The following SORCS1 variants were observed in gnomAD, a reference collection of about 807,000 sequenced individuals.
SORCS1 encodes sortilin related VPS10 domain containing receptor 1.
In SORCS1, 60 loss-of-function variants were observed where a neutral mutation model predicts 146.1. That is an observed-to-expected ratio of 0.41 (90% CI 0.33 to 0.51). The LOEUF (loss-of-function observed/expected upper bound fraction) is 0.51. SORCS1 is among the 20% of genes least tolerant of loss of function. The probability of loss-of-function intolerance (pLI) is 0.21; values close to 1 mark genes in which losing one functional copy is unlikely to be tolerated. For synonymous variants in SORCS1, 637 were observed against 584.0 expected, an observed-to-expected ratio of 1.09 and a Z score of -1.31; for missense variants, 1,352 against 1,487.6, an observed-to-expected ratio of 0.91 and a Z score of 1.50.
intron 1 of SORCS1, among the ~76,000 whole-genome samples, chr10:107,007,030 T>C (rs930983975): frequency 9.9e-5 from 15 of 152,280 alleles, no homozygotes; most frequent in African/African-American, 2.7e-4. Context: ...ATGTCCCGAC[T>C]AGACCTACGC....
At chr10:107,149,694 C>A (rs1968614409) in intron 1 of SORCS1, among the ~76,000 whole-genome samples, 1 of 152,146 alleles carries the variant, frequency 6.6e-6, no homozygotes, top group South Asian at 2.1e-4. Context: ...AAATCAGATT[C>A]CTTTGTCCAG....
At chr10:106,867,738 C>T (rs1258131136) in intron 2 of SORCS1, among the ~76,000 whole-genome samples, 1 of 152,178 alleles carries the variant, frequency 6.6e-6, no homozygotes, top group African/African-American at 2.4e-5. Context: ...ATACCACTAC[C>T]AGCTAATAGA....
intron 2 of SORCS1, among the ~76,000 whole-genome samples, chr10:106,924,425 A>G (rs532934463): frequency 6.6e-6 from 1 of 152,234 alleles, no homozygotes; most frequent in African/African-American, 2.4e-5. Flanking sequence ...TGCAAATAAA[A>G]TTTTGATAAT....
intron 2 of SORCS1, among the ~76,000 whole-genome samples, chr10:106,850,234 C>G (rs571580540): frequency 6.6e-6 from 1 of 151,142 alleles, no homozygotes; most frequent in South Asian, 2.1e-4. Context: ...TAGCAATCAG[C>G]GAGACTCCGT....
At chr10:106,898,491 C>A (rs1951573400) in intron 2 of SORCS1, among the ~76,000 whole-genome samples, 1 of 152,210 alleles carries the variant, frequency 6.6e-6, no homozygotes. Context: ...AGAACCATTT[C>A]AACCATTCCG....
chr10:106,814,041 T>C (rs912251518), intron 3 of SORCS1, among the ~76,000 whole-genome samples: 4 of 152,200 alleles, frequency 2.6e-5, no homozygotes, highest in African/African-American at 9.6e-5. Flanking sequence ...TATTTATTCA[T>C]TGACTTATTG....
chr10:106,868,663 A>T, intron 2 of SORCS1, among the ~76,000 whole-genome samples: 1 of 152,232 alleles, frequency 6.6e-6, no homozygotes, highest in Non-Finnish European at 1.5e-5. Context: ...AAGATACAAT[A>T]TACCAGGATA....
At chr10:106,749,027 T>A (rs1857953565) in intron 5 of SORCS1, among the ~76,000 whole-genome samples, 1 of 152,222 alleles carries the variant, frequency 6.6e-6, no homozygotes, top group Non-Finnish European at 1.5e-5. Context: ...GGTAGAAGCA[T>A]AATTTTGCTT....
At chr10:106,924,047 G>C (rs972312335) in intron 2 of SORCS1, among the ~76,000 whole-genome samples, 11 of 152,260 alleles carry the variant, frequency 7.2e-5, no homozygotes, top group Middle Eastern at 3.4e-3. Context: ...CTGAGGTCGG[G>C]AGTTCGAGAC....
intron 5 of SORCS1, among the ~76,000 whole-genome samples, chr10:106,731,606 G>T (rs11816659): frequency 0.018 from 2,691 of 152,176 alleles, 85 homozygotes; most frequent in African/African-American, 0.062. Flanking sequence ...CTTTTCCTCC[G>T]ATCAGCAAGT....
chr10:106,917,566 G>A (rs1589700671), intron 2 of SORCS1, among the ~76,000 whole-genome samples: 1 of 152,110 alleles, frequency 6.6e-6, no homozygotes, highest in South Asian at 2.1e-4. Context: ...TACATGCCCC[G>A]TGTACTACAG....
At chr10:106,588,886 A>T (rs996522925) in intron 24 of SORCS1, among the ~76,000 whole-genome samples, 3 of 149,252 alleles carry the variant, frequency 2.0e-5, no homozygotes, top group Non-Finnish European at 1.5e-5. Context: ...AAAAAAAAAA[A>T]AAAAGAAGAT....
rs950451715 is a variant in SORCS1, at chr10:107,121,917, G to A, written c.558+42052C>T. 2.6e-5 allele frequency among the ~76,000 whole-genome samples: 4 copies of A among 152,200 alleles called. No homozygotes were observed. In the East Asian group the frequency reaches 7.7e-4, roughly 29 times the overall value. ...CATTTTCACCTTTTAATACAAAAAT[G>A]TATTTATTATATAATAATACAAATG... On this transcript the variant is annotated intron_variant, in intron 1 of 25. Transcript: ENST00000263054.
chr10:107,084,191 G>C lies in SORCS1; in HGVS notation c.558+79778C>G, dbSNP rs141408486. Among the ~76,000 whole-genome samples the C allele has an allele frequency of 1.6e-3, 236 of 149,736 alleles. 1 individual carries two copies. The highest frequency in any genetic ancestry group is 5.0e-3 in the African/African-American group (202 of 40,684). ...GCTCACTGCAAGCTCTGCCTCCTGGGTTCACGCCACTCTCCTGCCTCAGCC... is the reference window on the plus strand; with the variant it reads ...GCTCACTGCAAGCTCTGCCTCCTGGCTTCACGCCACTCTCCTGCCTCAGCC... On this transcript the variant is annotated intron_variant, in intron 1 of 25. Coordinates refer to ENST00000263054, the MANE Select transcript of SORCS1 (RefSeq NM_052918.5).
At chr10:107,000,106 C>T (rs1478752088) in intron 1 of SORCS1, among the ~76,000 whole-genome samples, 1 of 152,132 alleles carries the variant, frequency 6.6e-6, no homozygotes, top group African/African-American at 2.4e-5. Context: ...TCACCCTCTC[C>T]CCATCAGCAA....
At chr10:106,758,971 C>G (rs916278677) in intron 5 of SORCS1, among the ~76,000 whole-genome samples, 2 of 152,208 alleles carry the variant, frequency 1.3e-5, no homozygotes, top group African/African-American at 4.8e-5. Context: ...ATAGAAGTCC[C>G]TGTGTTATCT....
intron 2 of SORCS1, among the ~76,000 whole-genome samples, chr10:106,837,376 C>T (rs1433530158): frequency 6.6e-6 from 1 of 152,022 alleles, no homozygotes; most frequent in South Asian, 2.1e-4. Context: ...TCAACCCAAC[C>T]CCCTATGTTA....
chr10:106,582,775 T>C (rs1179112246), intron 24 of SORCS1, among the ~76,000 whole-genome samples: 1 of 152,232 alleles, frequency 6.6e-6, no homozygotes, highest in Non-Finnish European at 1.5e-5. Context: ...GCCTGCGTAC[T>C]TGCACATATC....
chr10:106,729,474 T>C (rs1856444870), intron 6 of SORCS1, among the ~76,000 whole-genome samples: 1 of 152,010 alleles, frequency 6.6e-6, no homozygotes. Flanking sequence ...TCCAAGTGTT[T>C]TGTGAATCTC....
Sources: gnomAD v4.1 joint callset for allele counts (sites outside exome capture counted in the v4.1 genomes callset) on GRCh38, gnomAD v4.1.1 for gene constraint, MANE v1.5 for transcripts, NCBI Gene and HGNC (gene_info 2026-07-23, HGNC 2026-07-21) for gene names.